Variants in SKAP1 observed in about 807,000 individuals in gnomAD.
SKAP1 encodes src kinase-associated phosphoprotein 1.
SKAP1 carries 44 observed loss-of-function variants against 58.5 expected under a neutral mutation model. The ratio of observed to expected loss-of-function variants is 0.75; its 90% CI spans 0.59 to 0.97. The LOEUF (loss-of-function observed/expected upper bound fraction) is 0.97, where lower values mean the gene tolerates loss of function less well. SKAP1 is among the 50% of genes least tolerant of loss of function. The pLI is 0.00. For synonymous variants in SKAP1, 127 were observed against 149.7 expected (o/e 0.85, Z 1.11); for missense variants, 390 against 435.2 (o/e 0.90, Z 0.92).
intron 9 of SKAP1, among the ~76,000 whole-genome samples, chr17:48,176,236 T>C (rs1301365810): frequency 6.6e-6 from 1 of 152,188 alleles, no homozygotes; most frequent in Non-Finnish European, 1.5e-5. Context: ...TCTCTTTCCA[T>C]TTGCTCTTCT....
chr17:48,422,920 C>T (rs1183417955), intron 1 of SKAP1, among the ~76,000 whole-genome samples: 1 of 151,862 alleles, frequency 6.6e-6, no homozygotes, highest in Non-Finnish European at 1.5e-5. Flanking sequence ...ACAGATGAGA[C>T]AGTAAAAAAG....
intron 1 of SKAP1, among the ~76,000 whole-genome samples, chr17:48,414,167 T>C (rs116503242): frequency 2.7e-4 from 41 of 152,254 alleles, no homozygotes; most frequent in African/African-American, 9.9e-4. Context: ...TCAGAATAAA[T>C]TGTGACAACA....
chr17:48,438,746 C>G, the SKAP1 span, among the ~76,000 whole-genome samples: 1 of 152,060 alleles, frequency 6.6e-6, no homozygotes, highest in African/African-American at 2.4e-5. Flanking sequence ...AATAAAGACC[C>G]TGCAAAGAAC....
chr17:48,410,568 A>T (rs2067649794), intron 1 of SKAP1, among the ~76,000 whole-genome samples: 1 of 152,090 alleles, frequency 6.6e-6, no homozygotes, highest in Non-Finnish European at 1.5e-5. Context: ...GTAGTGTCAG[A>T]AAGTAAGGAA....
rs1403883705 is a variant in SKAP1 at position 48,374,201 on chromosome 17, A to AT, written c.153-10388dup. On this transcript the variant is annotated intron_variant, in intron 2 of 12. Transcript: ENST00000336915. The stretch of plus-strand genomic sequence containing the variant: ...AGGCACGCTCCACCATGCCTGGCTA[A>AT]TTTTTGTTTTTTTTTTTTTTGTACA... Among the ~76,000 whole-genome samples the AT allele has an allele frequency of 2.0e-4, 22 of 111,732 alleles. 1 individual carries two copies. The highest frequency in any genetic ancestry group is 2.9e-4 in the African/African-American group (7 of 24,182). 73.3% of individuals were successfully genotyped at this position (111,732 alleles called of 152,430 possible). A position where few individuals can be genotyped will look rare whatever the true frequency, so the allele number is the denominator to read the frequency against.
chr17:48,249,694 CG>C (rs919824030), intron 4 of SKAP1, among the ~76,000 whole-genome samples: 5 of 151,648 alleles, frequency 3.3e-5, no homozygotes, highest in Non-Finnish European at 7.4e-5. Flanking sequence ...GGAAGCCCCC[CG>C]CAAAAACCAC....
chr17:48,332,266 T>C (rs967632716), intron 4 of SKAP1, among the ~76,000 whole-genome samples: 7 of 152,144 alleles, frequency 4.6e-5, no homozygotes, highest in Non-Finnish European at 4.4e-5. Flanking sequence ...ATTTAAAATA[T>C]AAAATTTTAT....
chr17:48,417,668 C>T (rs2067747840), intron 1 of SKAP1, among the ~76,000 whole-genome samples: 3 of 151,546 alleles, frequency 2.0e-5, no homozygotes, highest in Admixed American at 2.0e-4. Flanking sequence ...TCACTTGAAC[C>T]CAGGAGGCAG....
rs766121549 is a variant in SKAP1 at position 48,180,100 on chromosome 17, C to T, written c.780G>A (p.Glu260=). 1.9e-6 allele frequency: 3 copies of T among 1,611,196 alleles called. No individual in the cohort carries two copies. The highest frequency in any genetic ancestry group is 2.5e-6 in the Non-Finnish European group (3 of 1,179,134). Residue 260 remains glutamate, a synonymous_variant, in exon 9 of 13, where the codon GAG becomes GAA. Coordinates refer to ENST00000336915, the MANE Select transcript of SKAP1 (RefSeq NM_003726.4). The part of the protein sequence containing the change: ...TILPGSVGIK[E]PTEEKEEEDI... ...CTTCTTCTTCTTTCTCCTCTGTAGG[C>T]TCTTTTATCCCCACACTCCCAGGCA...
At chr17:48,341,973 G>A (rs2066659159) in intron 4 of SKAP1, among the ~76,000 whole-genome samples, 1 of 152,080 alleles carries the variant, frequency 6.6e-6, no homozygotes, top group East Asian at 1.9e-4. Flanking sequence ...CCTGCTTACA[G>A]AATGATCACT....
intron 4 of SKAP1, among the ~76,000 whole-genome samples, chr17:48,251,597 T>C (rs1346319359): frequency 2.0e-5 from 3 of 152,226 alleles, no homozygotes; most frequent in African/African-American, 4.8e-5. Flanking sequence ...GCAAAAGATA[T>C]AGATATCCTA....
intron 9 of SKAP1, 76 bp downstream of exon 9, chr17:48,179,978 T>A (rs1340683523): frequency 2.2e-6 from 3 of 1,378,736 alleles, no homozygotes; most frequent in Admixed American, 4.7e-5. Context: ...TTTGGAATTT[T>A]CAAAGTTATT....
chr17:48,419,584 GA>G (rs1397875229), intron 1 of SKAP1, among the ~76,000 whole-genome samples: 1 of 151,952 alleles, frequency 6.6e-6, no homozygotes, highest in African/African-American at 2.4e-5. Context: ...TGCCCGGCCA[GA>G]AAAGTTATTT....
intron 4 of SKAP1, among the ~76,000 whole-genome samples, chr17:48,310,591 TC>T: frequency 6.6e-6 from 1 of 152,354 alleles, no homozygotes; most frequent in East Asian, 1.9e-4. Context: ...TTAATCGACA[TC>T]TAAAATGCTG....
At chr17:48,346,101 A>G (rs2066719421) in intron 3 of SKAP1, 95 bp from the exon 4 acceptor site, 4 of 629,228 alleles carry the variant, frequency 6.4e-6, no homozygotes, top group Non-Finnish European at 1.0e-5. Flanking sequence ...GATCTCTTCC[A>G]GTATTCGAAA....
chr17:48,353,296 C>T (rs892177947), intron 3 of SKAP1, among the ~76,000 whole-genome samples: 2 of 152,128 alleles, frequency 1.3e-5, no homozygotes, highest in Non-Finnish European at 2.9e-5. Flanking sequence ...ATAGCATTGA[C>T]CTGGCTTGGT....
intron 4 of SKAP1, among the ~76,000 whole-genome samples, chr17:48,200,212 G>T (rs964709168): frequency 9.9e-5 from 15 of 151,636 alleles, no homozygotes; most frequent in African/African-American, 3.6e-4. Context: ...CAGGAGAATT[G>T]CTTGAACCCT....
chr17:48,184,941 G>T, intron 6 of SKAP1, 94 bp from the exon 7 acceptor site: 1 of 1,263,602 alleles, frequency 7.9e-7, no homozygotes, highest in Non-Finnish European at 1.1e-6. Context: ...CACAGAAACA[G>T]CTGTTACATC....
At chr17:48,221,027 C>T (rs371000109) in intron 4 of SKAP1, among the ~76,000 whole-genome samples, 4 of 151,836 alleles carry the variant, frequency 2.6e-5, no homozygotes, top group Non-Finnish European at 4.4e-5. Flanking sequence ...CCAGTACTTT[C>T]GGAGGCCAAG....
Sources: allele counts gnomAD v4.1 joint callset (sites outside exome capture counted in the v4.1 genomes callset), GRCh38; gene constraint gnomAD v4.1.1; transcripts MANE v1.5; gene names NCBI Gene and HGNC (gene_info 2026-07-23, HGNC 2026-07-21).